PCGF2: variants seen among roughly 807,000 people sequenced by gnomAD.
PCGF2 encodes polycomb group RING finger protein 2.
In PCGF2, 8 loss-of-function variants were observed where a neutral mutation model predicts 36.1. That is an observed-to-expected ratio of 0.22 (90% CI 0.13 to 0.40). PCGF2 has a LOEUF of 0.40. Among genes scored for constraint, PCGF2 ranks in the 10% least tolerant of loss-of-function variants. The pLI is 1.00. For missense variants in PCGF2, 436 were observed against 475.9 expected (o/e 0.92, Z 0.78); for synonymous variants, 198 against 191.2 (o/e 1.04, Z -0.29).
intron 2 of PCGF2, among the ~76,000 whole-genome samples, chr17:38,742,925 T>C (rs1201063680): frequency 6.6e-6 from 1 of 152,224 alleles, no homozygotes; most frequent in Non-Finnish European, 1.5e-5. Flanking sequence ...TGATAATGCC[T>C]GGGGTCTCTG....
In PCGF2 at chr17:38,740,312, T is replaced by C. The variant is rs1907100874; in HGVS notation, c.91A>G (p.Ile31Val). The part of the protein sequence containing the change: ...CGGYFIDATT[I>V]VECLHSFCKT... Reference sequence around the variant, plus strand: ...TCACAGGAATGCAGGCACTCCACGATAGTGGTGGCGTCGATGAAGTACCCC... The same window carrying C: ...TCACAGGAATGCAGGCACTCCACGACAGTGGTGGCGTCGATGAAGTACCCC... Residue 31 changes from isoleucine to valine, a missense_variant, in exon 3 of 11, where the codon ATC becomes GTC. Transcript: ENST00000620225. 6.2e-7 allele frequency: 1 copy of C among 1,610,484 alleles called. No individual in the cohort carries two copies. The highest frequency in any genetic ancestry group is 8.5e-7 in the Non-Finnish European group (1 of 1,177,872).
At chr17:38,742,090 G>A (rs1907237666) in intron 2 of PCGF2, among the ~76,000 whole-genome samples, 1 of 152,216 alleles carries the variant, frequency 6.6e-6, no homozygotes, top group African/African-American at 2.4e-5. Flanking sequence ...ACACCAGCCA[G>A]GCCCGGGCAG....
intron 2 of PCGF2, 26 bp downstream of exon 2, chr17:38,747,853 C>G (rs1907640256): frequency 6.5e-6 from 1 of 152,742 alleles, no homozygotes; most frequent in Non-Finnish European, 1.5e-5. Flanking sequence ...GCCCTCCCGG[C>G]TGCCCCGGAC....
At chr17:38,749,439 T>C, upstream of PCGF2, 1 of 330,480 alleles carries the variant, frequency 3.0e-6, no homozygotes, top group South Asian at 2.2e-5. The surrounding 1 kb of genome is among the most constrained non-coding windows in gnomAD (Gnocchi z 6.5). Flanking sequence ...ACGCCGGGAG[T>C]AGCGGTGAGG....
intron 2 of PCGF2, among the ~76,000 whole-genome samples, chr17:38,742,139 C>T (rs556974045): frequency 6.6e-6 from 1 of 152,298 alleles, no homozygotes; most frequent in African/African-American, 2.4e-5. Flanking sequence ...GGATTGGCCA[C>T]CGTGCTTCCT....
intron 10 of PCGF2, among the ~76,000 whole-genome samples, 182 bp downstream of exon 10, chr17:38,735,908 C>T (rs571974654): frequency 2.5e-4 from 38 of 152,278 alleles, no homozygotes; most frequent in East Asian, 7.7e-4. Context: ...GTCTCCTGAG[C>T]GGAAAGTCAT....
intron 9 of PCGF2, among the ~76,000 whole-genome samples, chr17:38,737,910 C>CAA (rs57011839): frequency 0.017 from 1,501 of 88,960 alleles, 34 homozygotes; most frequent in African/African-American, 0.059. Flanking sequence ...GACTCCATCT[C>CAA]AAAAAAAAAA....
At position 38,740,642 on chromosome 17, in the gene PCGF2, C is replaced by T. The variant is rs1291217524; in HGVS notation, c.-40-200G>A. ...GGCATGGTGGTGGGCACCTGTAGTCCCAGCTGCTTGGGAGGCTGAGGCAGG... is the reference window on the plus strand; with the variant it reads ...GGCATGGTGGTGGGCACCTGTAGTCTCAGCTGCTTGGGAGGCTGAGGCAGG... On this transcript the variant is annotated intron_variant, in intron 2 of 10. Coordinates refer to ENST00000620225, the MANE Select transcript of PCGF2 (RefSeq NM_007144.3). 6.6e-5 allele frequency among the ~76,000 whole-genome samples: 10 copies of T among 152,184 alleles called. No homozygotes were observed. The East Asian group carries it at 1.5e-3, about 24-fold the overall frequency.
chr17:38,739,356 G>A lies in PCGF2; in HGVS notation c.210-103C>T, dbSNP rs1408241862. 8 of 1,106,196 alleles carry A rather than the reference G, an allele frequency of 7.2e-6. No homozygotes were observed. The highest frequency in any genetic ancestry group is 1.1e-5 in the Non-Finnish European group (8 of 730,048). 68.5% of individuals were successfully genotyped at this position (1,106,196 alleles called of 1,614,324 possible). On this transcript the variant is annotated intron_variant, in intron 4 of 10. Transcript: ENST00000620225. This position sits in a 1 kb window ranked among gnomAD's most constrained non-coding sequence, Gnocchi z 4.0. ...GTACCCCTCTTCCCACCCCCTTCCT[G>A]AGACCGGTGCCCAGGCATTAGGATC...
chr17:38,742,562 C>T (rs1296546426), intron 2 of PCGF2, among the ~76,000 whole-genome samples: 1 of 152,162 alleles, frequency 6.6e-6, no homozygotes, highest in Non-Finnish European at 1.5e-5. Context: ...AGGTGGCGGC[C>T]CCGGGGATCT....
chr17:38,738,371 A>G lies in PCGF2; in HGVS notation c.558T>C (p.Asp186=), dbSNP rs145409234. The G allele has an allele frequency of 2.5e-6, 4 of 1,614,056 alleles. No homozygotes were observed. Among genetic ancestry groups the G allele is most frequent in the African/African-American group, 1.3e-5 (1 of 74,926 alleles). The part of the protein sequence containing the change: ...HLAKFLRNKM[D]VPSKYKVEVL... ...GACCCACCTTGTACTTGCTGGGCAC[A>G]TCCATCTTGTTGCGGAGAAACTTGG... The change falls in exon 9 of 11, where the codon GAT becomes GAC. Residue 186 remains aspartate, a synonymous_variant. Coordinates refer to ENST00000620225, the MANE Select transcript of PCGF2 (RefSeq NM_007144.3).
rs1419338702 is a variant in PCGF2, at chr17:38,748,186, C to T, written c.-134+10G>A. The T allele has an allele frequency of 1.0e-4, 14 of 137,406 alleles. No homozygotes were observed. The highest frequency in any genetic ancestry group is 2.0e-4 in the Non-Finnish European group (13 of 63,728). The allele number at this position is 137,406 out of a possible 1,614,324, so 8.5% of individuals were successfully genotyped here. On this transcript the variant is annotated intron_variant, in intron 1 of 10. Coordinates refer to ENST00000620225, the MANE Select transcript of PCGF2 (RefSeq NM_007144.3). ...GAGAGGGAAAGGCAGGGGGAGTCCG[C>T]TCCGCTTACCTGGGTTCGGGGTCCG...
Position 38,739,705 on chromosome 17 carries a change from G to A in PCGF2, c.113-23C>T, listed in dbSNP as rs376830055. Reference sequence around the variant, plus strand: ...AGACTTGGGGGTGTGGAGAGAGAGAGGAGAGTCAGAGCCAACTTCCAACTC... The same window carrying A: ...AGACTTGGGGGTGTGGAGAGAGAGAAGAGAGTCAGAGCCAACTTCCAACTC... On this transcript the variant is annotated intron_variant, in intron 3 of 10. Transcript: ENST00000620225. This position sits in a 1 kb window ranked among gnomAD's most constrained non-coding sequence, Gnocchi z 4.0. 981 of 1,589,760 alleles carry A rather than the reference G, an allele frequency of 6.2e-4. 8 individuals carry two copies. The highest frequency in any genetic ancestry group is 1.3e-4 in the Admixed American group (8 of 59,956).
rs764305411 is a variant in PCGF2 at position 38,735,240 on chromosome 17, C to A, written c.1018G>T (p.Val340Leu). The A allele has an allele frequency of 4.2e-6, 6 of 1,441,990 alleles. No homozygotes were observed. The highest frequency in any genetic ancestry group is 2.8e-5 in the African/African-American group (2 of 70,372). 89.3% of individuals were successfully genotyped at this position (1,441,990 alleles called of 1,614,324 possible). A position where few individuals can be genotyped will look rare whatever the true frequency, so the allele number is the denominator to read the frequency against. ...CCCTGGCCTCAAGTTAAGGGGGGCA[C>A]GGGAGCGCCGTTGACAGTCATCTTG... is the stretch of plus-strand genomic sequence containing the variant. ...GRKMTVNGAP[V>L]PPLT Residue 340 changes from valine (V) to leucine (L), a missense_variant, in exon 11 of 11, where the codon GTG becomes TTG. Coordinates refer to ENST00000620225, the MANE Select transcript of PCGF2 (RefSeq NM_007144.3).
In PCGF2 at chr17:38,736,121, A is replaced by G; in HGVS notation, c.626T>C (p.Met209Thr). Residue 209 changes from methionine to threonine, a missense_variant, in exon 10 of 11, where the codon ATG becomes ACG. Physicochemically the swap from Met to Thr is moderately conservative, Grantham distance 81. This residue lies in a region of PCGF2 where 227 missense variants were observed against 212.9 expected (regional missense o/e 1.07). Transcript: ENST00000620225. The part of the protein sequence containing the change: ...DEPLKEYYTL[M>T]DIAYIYPWRR... ...CCAGGGGTAGATGTAGGCGATGTCC[A>G]TGAGGGTGTAGTATTCCTTCAGTGG... 1.3e-6 allele frequency: 2 copies of G among 1,586,746 alleles called. No homozygotes were observed. Among genetic ancestry groups the G allele is most frequent in the East Asian group, 2.3e-5 (1 of 43,990 alleles).
At position 38,734,687 on chromosome 17, in the gene PCGF2, T is replaced by C. The variant is rs887941754; in HGVS notation, c.*536A>G. The C allele has an allele frequency of 6.5e-6, 1 of 152,682 alleles. No individual in the cohort carries two copies. Among genetic ancestry groups the C allele is most frequent in the African/African-American group, 2.4e-5 (1 of 41,394 alleles). The allele number at this position is 152,682 out of a possible 1,614,324, so 9.5% of individuals were successfully genotyped here. ...ACTGTTCTTAGCAATTTCTGGACAT[T>C]CAACAACGTGGGGGGCGGCCACTGG... On this transcript the variant is annotated 3_prime_UTR_variant, in exon 11 of 11. Transcript: ENST00000620225.
At position 38,736,174 on chromosome 17, in the gene PCGF2, G is replaced by C; in HGVS notation, c.577-4C>G. 1 of 1,564,412 alleles carries C rather than the reference G, an allele frequency of 6.4e-7. No homozygotes were observed. Among genetic ancestry groups the C allele is most frequent in the Non-Finnish European group, 8.7e-7 (1 of 1,153,206 alleles). On this transcript the variant is annotated splice_region_variant and splice_polypyrimidine_tract_variant and intron_variant, in intron 9 of 10. Transcript: ENST00000620225. ...CGTCCTCGTACAGAACCTCCACCTG[G>C]GGGAGGGAAGCGGAGGACACCATGA...
Position 38,739,634 on chromosome 17 carries a change from G to T in PCGF2, c.161C>A (p.Pro54His). 1 of 1,614,012 alleles carries T rather than the reference G, an allele frequency of 6.2e-7. No individual in the cohort carries two copies. The highest frequency in any genetic ancestry group is 8.5e-7 in the Non-Finnish European group (1 of 1,179,964). ...TTTATGGACCTGCACGTCACACATG[G>T]GGCAGTATTTGTTGGTCTCCAGGTA... ...VRYLETNKYC[P>H]MCDVQVHKTR... is the part of the protein sequence containing the mutation. The change falls in exon 4 of 11, where the codon CCC becomes CAC. Residue 54 changes from proline (P) to histidine (H), a missense_variant. Physicochemically the swap from Pro to His is moderately conservative, Grantham distance 77 (BLOSUM62 -2). Transcript: ENST00000620225. This position sits in a 1 kb window ranked among gnomAD's most constrained non-coding sequence, Gnocchi z 4.0.
chr17:38,735,583 G>C lies in PCGF2; in HGVS notation c.675C>G (p.Leu225=). The C allele has an allele frequency of 1.3e-6, 2 of 1,576,082 alleles. No individual in the cohort carries two copies. Among genetic ancestry groups the C allele is most frequent in the Non-Finnish European group, 1.7e-6 (2 of 1,158,594 alleles). The change falls in exon 11 of 11, where the codon CTC becomes CTG. Residue 225 remains leucine (L), a synonymous_variant. Transcript: ENST00000620225. ...YPWRRNGPLP[L]KYRVQPACKR... ...TGCAGGCTGGCTGGACACGGTACTT[G>C]AGGGGGAGAGGCCCGTTCTGCGGGG...
Sources: allele counts gnomAD v4.1 joint callset (sites outside exome capture counted in the v4.1 genomes callset), GRCh38; gene constraint gnomAD v4.1.1; regional missense constraint gnomAD v4.1.1; non-coding constraint Gnocchi (gnomAD v3.1); transcripts MANE v1.5; gene names NCBI Gene and HGNC (gene_info 2026-07-23, HGNC 2026-07-21).